The following CTNND2 variants were observed in gnomAD, a reference collection of about 807,000 sequenced individuals.
CTNND2 encodes the protein catenin delta 2, also known as catenin delta-2.
A neutral mutation model predicts 144.4 loss-of-function variants in CTNND2; 22 were observed. The ratio of observed to expected loss-of-function variants is 0.15; its 90% CI spans 0.11 to 0.22. The LOEUF is 0.22. CTNND2 is among the 10% of genes least tolerant of loss of function. The pLI, the probability that CTNND2 is intolerant of heterozygous loss-of-function variation, is 1.00. For missense variants in CTNND2, 1,353 were observed against 1,618.8 expected (o/e 0.84, Z 2.82); for synonymous variants, 751 against 695.6 (o/e 1.08, Z -1.25).
chr5:11,413,467 A>C (rs1444735055), intron 3 of CTNND2, among the ~76,000 whole-genome samples: 3 of 152,196 alleles, frequency 2.0e-5, no homozygotes, highest in Admixed American at 1.3e-4. Flanking sequence ...TTACTTTTCA[A>C]GAATGTGAAT....
At chr5:11,214,126 T>C (rs951560285) in intron 10 of CTNND2, among the ~76,000 whole-genome samples, 1 of 152,212 alleles carries the variant, frequency 6.6e-6, no homozygotes, top group African/African-American at 2.4e-5. Flanking sequence ...ATAATTTCTG[T>C]TCAAAGATTT....
At chr5:11,480,734 C>T (rs1308799748) in intron 3 of CTNND2, among the ~76,000 whole-genome samples, 1 of 151,412 alleles carries the variant, frequency 6.6e-6, no homozygotes, top group Non-Finnish European at 1.5e-5. Context: ...AAGAGTTGCA[C>T]AGAGACCTAG....
intron 10 of CTNND2, among the ~76,000 whole-genome samples, chr5:11,225,854 TAG>T (rs1740277751): frequency 1.3e-5 from 2 of 152,180 alleles, no homozygotes; most frequent in African/African-American, 4.8e-5. Context: ...AGGGTCTACA[TAG>T]ATGTAATCAA....
intron 2 of CTNND2, among the ~76,000 whole-genome samples, chr5:11,568,710 G>A (rs1470227155): frequency 6.6e-6 from 1 of 152,132 alleles, no homozygotes; most frequent in Non-Finnish European, 1.5e-5. Flanking sequence ...TAAACTGTGG[G>A]GTAAATGGAA....
At chr5:11,890,347 A>C (rs1207621314) in intron 1 of CTNND2, among the ~76,000 whole-genome samples, 1 of 152,198 alleles carries the variant, frequency 6.6e-6, no homozygotes, top group African/African-American at 2.4e-5. Flanking sequence ...TTGAAAGACA[A>C]CCTGCTCTCT....
At chr5:11,002,067 G>A (rs1423502784) in intron 18 of CTNND2, among the ~76,000 whole-genome samples, 1 of 152,186 alleles carries the variant, frequency 6.6e-6, no homozygotes, top group Admixed American at 6.5e-5. Flanking sequence ...CAGATCCATA[G>A]GGGAATCAGG....
At chr5:11,425,973 G>A (rs1464693195) in intron 3 of CTNND2, among the ~76,000 whole-genome samples, 1 of 152,098 alleles carries the variant, frequency 6.6e-6, no homozygotes, top group Non-Finnish European at 1.5e-5. Context: ...AGGTGATGTG[G>A]GATCCCCTCG....
intron 1 of CTNND2, among the ~76,000 whole-genome samples, chr5:11,825,287 T>A (rs955914860): frequency 1.3e-5 from 2 of 152,002 alleles, no homozygotes; most frequent in Non-Finnish European, 2.9e-5. Context: ...GAAACACTTA[T>A]GAAAAATGTG....
chr5:10,983,112 A>C (rs1012009452), intron 20 of CTNND2, among the ~76,000 whole-genome samples: 5 of 152,214 alleles, frequency 3.3e-5, no homozygotes, highest in Admixed American at 2.6e-4. Flanking sequence ...ACCATAATTC[A>C]CAGTAATTTA....
At chr5:11,534,877 A>T (rs1336833062) in intron 3 of CTNND2, among the ~76,000 whole-genome samples, 1 of 152,274 alleles carries the variant, frequency 6.6e-6, no homozygotes, top group East Asian at 1.9e-4. Context: ...GAACTTGGAC[A>T]AGGATTAAAC....
intron 1 of CTNND2, among the ~76,000 whole-genome samples, chr5:11,746,482 TA>T (rs34603577): frequency 1.3e-5 from 2 of 151,972 alleles, no homozygotes; most frequent in Non-Finnish European, 2.9e-5. Flanking sequence ...CTTCTGGGAT[TA>T]AAAAAAACTT....
intron 10 of CTNND2, among the ~76,000 whole-genome samples, chr5:11,210,679 A>C (rs962717499): frequency 1.3e-5 from 2 of 152,164 alleles, no homozygotes; most frequent in Non-Finnish European, 2.9e-5. Flanking sequence ...GAAAACACAC[A>C]CCCCAAAAGG....
At chr5:11,484,505 A>G (rs1469390802) in intron 3 of CTNND2, among the ~76,000 whole-genome samples, 2 of 152,186 alleles carry the variant, frequency 1.3e-5, no homozygotes, top group African/African-American at 4.8e-5. Context: ...ACTAAGAAAA[A>G]CACATTTACT....
intron 2 of CTNND2, among the ~76,000 whole-genome samples, chr5:11,567,102 TAC>T (rs1351019883): frequency 1.3e-5 from 2 of 152,166 alleles, no homozygotes; most frequent in African/African-American, 4.8e-5. Flanking sequence ...CACCACAAAA[TAC>T]AGTTACCCTT....
At chr5:11,149,567 T>C (rs1320643915) in intron 12 of CTNND2, among the ~76,000 whole-genome samples, 1 of 152,144 alleles carries the variant, frequency 6.6e-6, no homozygotes, top group Non-Finnish European at 1.5e-5. Context: ...AGTGCATCAC[T>C]GGTACAACAT....
At chr5:11,081,709 T>C (rs1050536360) in intron 16 of CTNND2, among the ~76,000 whole-genome samples, 11 of 152,282 alleles carry the variant, frequency 7.2e-5, no homozygotes, top group African/African-American at 2.6e-4. Context: ...ATAATCCTTA[T>C]GCTAAGTGAA....
intron 3 of CTNND2, among the ~76,000 whole-genome samples, chr5:11,423,417 C>T (rs748011535): frequency 3.3e-5 from 5 of 152,084 alleles, no homozygotes; most frequent in Non-Finnish European, 5.9e-5. Flanking sequence ...GTTTGTTTGC[C>T]GATAGAAGTG....
intron 12 of CTNND2, among the ~76,000 whole-genome samples, chr5:11,120,844 T>C (rs1374974206): frequency 6.6e-6 from 1 of 152,180 alleles, no homozygotes; most frequent in South Asian, 2.1e-4. Flanking sequence ...CTCTTTTCAA[T>C]GGGCAATGAT....
chr5:11,672,854 G>C (rs116330105), intron 2 of CTNND2, among the ~76,000 whole-genome samples: 1 of 152,142 alleles, frequency 6.6e-6, no homozygotes, highest in African/African-American at 2.4e-5. Context: ...CTTGGCTAGA[G>C]AAGGGAAATC....
Sources: gnomAD v4.1 joint callset for allele counts (sites outside exome capture counted in the v4.1 genomes callset) on GRCh38, gnomAD v4.1.1 for gene constraint, MANE v1.5 for transcripts, NCBI Gene and HGNC (gene_info 2026-07-23, HGNC 2026-07-21) for gene names.